NOVA1: variants seen among roughly 807,000 people sequenced by gnomAD.
NOVA1 encodes the protein NOVA alternative splicing regulator 1.
NOVA1 carries 7 observed loss-of-function variants against 38.0 expected under a neutral mutation model. The ratio of observed to expected loss-of-function variants is 0.18; its 90% CI spans 0.10 to 0.35. NOVA1 has a LOEUF of 0.35. NOVA1 is among the 10% of genes least tolerant of loss of function. NOVA1 has a pLI of 1.00. For synonymous variants in NOVA1, 270 were observed against 232.5 expected (o/e 1.16, Z -1.47); for missense variants, 460 against 616.0 (o/e 0.75, Z 2.68).
chr14:26,506,437 A>G (rs1302347542), intron 2 of NOVA1, among the ~76,000 whole-genome samples: 1 of 152,216 alleles, frequency 6.6e-6, no homozygotes, highest in Non-Finnish European at 1.5e-5. Flanking sequence ...TTTCATGCTT[A>G]GTCAAAGTAA....
intron 2 of NOVA1, chr14:26,593,032 A>C (rs1893956644): frequency 6.6e-6 from 1 of 151,832 alleles, no homozygotes; most frequent in African/African-American, 2.4e-5. Flanking sequence ...CATGAAATAA[A>C]CATTAGGCAT....
intron 2 of NOVA1, among the ~76,000 whole-genome samples, chr14:26,536,464 T>G (rs1379140789): frequency 6.6e-6 from 1 of 152,002 alleles, no homozygotes; most frequent in African/African-American, 2.4e-5. Flanking sequence ...TCAAAACATT[T>G]CATGTGCTCC....
chr14:26,576,307 T>C (rs1892838472), intron 2 of NOVA1, among the ~76,000 whole-genome samples: 1 of 151,642 alleles, frequency 6.6e-6, no homozygotes, highest in Non-Finnish European at 1.5e-5. Flanking sequence ...TTACTGTATA[T>C]ACTTAAGGTG....
At chr14:26,573,216 T>C (rs1025581176) in intron 2 of NOVA1, among the ~76,000 whole-genome samples, 19 of 152,206 alleles carry the variant, frequency 1.2e-4, no homozygotes, top group Admixed American at 9.8e-4. Flanking sequence ...TTGAATGCTT[T>C]AGAAAATTAA....
At chr14:26,493,552 A>G (rs1375516653) in intron 2 of NOVA1, among the ~76,000 whole-genome samples, 2 of 152,208 alleles carry the variant, frequency 1.3e-5, no homozygotes, top group Non-Finnish European at 2.9e-5. Flanking sequence ...TTCATGCACT[A>G]TCACAGGAAT....
At chr14:26,521,305 G>A (rs948084191) in intron 2 of NOVA1, among the ~76,000 whole-genome samples, 4 of 151,926 alleles carry the variant, frequency 2.6e-5, no homozygotes, top group Non-Finnish European at 5.9e-5. Flanking sequence ...AACAATACAT[G>A]AAAATTATGC....
At chr14:26,493,345 A>T (rs899024993) in intron 2 of NOVA1, among the ~76,000 whole-genome samples, 3 of 152,222 alleles carry the variant, frequency 2.0e-5, no homozygotes, top group African/African-American at 7.2e-5. Flanking sequence ...TAAAAATACA[A>T]GTCTCAGAAT....
chr14:26,587,214 C>T (rs548057772), intron 2 of NOVA1, among the ~76,000 whole-genome samples: 1 of 149,444 alleles, frequency 6.7e-6, no homozygotes, highest in South Asian at 2.1e-4. Flanking sequence ...GATCTATTTC[C>T]ACAACTCTAT....
chr14:26,484,620 C>A (rs1300049811), intron 2 of NOVA1, among the ~76,000 whole-genome samples: 2 of 152,096 alleles, frequency 1.3e-5, no homozygotes, highest in African/African-American at 4.8e-5. Context: ...TCTACTTCCT[C>A]ATCACCCAAT....
At chr14:26,477,474 G>A (rs989323309) in intron 3 of NOVA1, among the ~76,000 whole-genome samples, 2 of 152,044 alleles carry the variant, frequency 1.3e-5, no homozygotes, top group African/African-American at 4.8e-5. Flanking sequence ...TGAAAGACCT[G>A]AGAGACCAGC....
chr14:26,526,766 C>T (rs1395486667), intron 2 of NOVA1, among the ~76,000 whole-genome samples: 4 of 152,100 alleles, frequency 2.6e-5, no homozygotes, highest in African/African-American at 7.2e-5. Context: ...TTCACCAATA[C>T]CTGCTACCTT....
intron 2 of NOVA1, among the ~76,000 whole-genome samples, chr14:26,508,314 T>C (rs959976345): frequency 6.6e-6 from 1 of 152,018 alleles, no homozygotes; most frequent in Admixed American, 6.6e-5. Flanking sequence ...TTGTAAAAAA[T>C]AGTTTGGTAT....
At chr14:26,580,482 T>G (rs1049264599) in intron 2 of NOVA1, among the ~76,000 whole-genome samples, 2 of 151,878 alleles carry the variant, frequency 1.3e-5, no homozygotes, top group African/African-American at 2.4e-5. Context: ...CATAAACAAA[T>G]AAAAAAAGCT....
intron 2 of NOVA1, among the ~76,000 whole-genome samples, chr14:26,565,928 G>C (rs143815558): frequency 5.3e-5 from 8 of 152,196 alleles, no homozygotes; most frequent in African/African-American, 1.9e-4. Context: ...AGTGATCTAT[G>C]TTTGTTTTAA....
In NOVA1 at chr14:26,481,490, T is replaced by G. The variant is rs142622786; in HGVS notation, c.281-1347A>C. ...ATACTTCTAGAAGACAGAATTAGAT[T>G]ACAGGAATTAGAAGCAGAAATAAAA... On this transcript the variant is annotated intron_variant, in intron 2 of 4. Coordinates refer to ENST00000539517, the MANE Select transcript of NOVA1 (RefSeq NM_002515.3). Among the ~76,000 whole-genome samples, 506 of 152,210 alleles carry G rather than the reference T, an allele frequency of 3.3e-3. 3 individuals are homozygous for G. Among genetic ancestry groups the G allele is most frequent in the African/African-American group, 0.012 (488 of 41,580 alleles).
chr14:26,449,060 A>T, intron 4 of NOVA1, 97 bp from the exon 5 acceptor site: 1 of 1,104,772 alleles, frequency 9.1e-7, no homozygotes, highest in Non-Finnish European at 1.2e-6. Flanking sequence ...ATAAACTGAA[A>T]ATTAAACATA....
chr14:26,512,425 T>C (rs1888168940), intron 2 of NOVA1, among the ~76,000 whole-genome samples: 2 of 152,146 alleles, frequency 1.3e-5, no homozygotes, highest in South Asian at 2.1e-4. Context: ...CAAATACAAC[T>C]CACCACCTGT....
intron 2 of NOVA1, among the ~76,000 whole-genome samples, chr14:26,525,173 T>C (rs1308028810): frequency 1.3e-5 from 2 of 152,144 alleles, no homozygotes; most frequent in Admixed American, 1.3e-4. Flanking sequence ...TGCTATGTAA[T>C]AAGAAAAACA....
intron 2 of NOVA1, among the ~76,000 whole-genome samples, chr14:26,547,079 T>A (rs1490662194): frequency 1.3e-5 from 2 of 152,170 alleles, no homozygotes; most frequent in Non-Finnish European, 2.9e-5. Context: ...TTGCTTCATT[T>A]TTCCTATTAC....
Sources: gnomAD v4.1 joint callset for allele counts (sites outside exome capture counted in the v4.1 genomes callset) on GRCh38, gnomAD v4.1.1 for gene constraint, MANE v1.5 for transcripts, NCBI Gene and HGNC (gene_info 2026-07-23, HGNC 2026-07-21) for gene names.